The following KIAA0586 variants were observed in gnomAD, a reference collection of about 807,000 sequenced individuals.
KIAA0586 encodes the protein protein TALPID3.
KIAA0586 carries 144 observed loss-of-function variants against 169.8 expected under a neutral mutation model. The ratio of observed to expected loss-of-function variants is 0.85; its 90% CI spans 0.74 to 0.97. The LOEUF is 0.97. Ranked by LOEUF, KIAA0586 falls within the 50% of genes least tolerant of loss-of-function variation. The pLI is 0.00. For synonymous variants in KIAA0586, 625 were observed against 612.4 expected, an observed-to-expected ratio of 1.02 and a Z score of -0.30; for missense variants, 1,854 against 1,823.0, an observed-to-expected ratio of 1.02 and a Z score of -0.31.
chr14:58,461,771 T>G (rs961374711), intron 14 of KIAA0586, among the ~76,000 whole-genome samples: 1 of 152,234 alleles, frequency 6.6e-6, no homozygotes, highest in African/African-American at 2.4e-5. Flanking sequence ...AAAGTGTTGA[T>G]GAGCACTTTT....
chr14:58,540,196 G>A lies in KIAA0586; in HGVS notation c.4495+60G>A, dbSNP rs141835907. On this transcript the variant is annotated intron_variant, in intron 30 of 30. Transcript: ENST00000652326. ...AGCTGTTCAGATTTTTTCATTTCCT[G>A]ATGATTCTTTCTCTCATAATAATCA... 821 of 909,272 alleles carry A rather than the reference G, an allele frequency of 9.0e-4. 5 individuals carry two copies. The African/African-American group carries it at 0.012, about 14-fold the overall frequency. The allele number at this position is 909,272 out of a possible 1,614,324, so 56.3% of individuals were successfully genotyped here.
rs1312746065 is a variant in KIAA0586, at chr14:58,457,571, A to G, written c.1363-188A>G. Among the ~76,000 whole-genome samples, 4 of 152,196 alleles carry G rather than the reference A, an allele frequency of 2.6e-5. No homozygotes were observed. In the East Asian group the frequency reaches 7.7e-4, roughly 29 times the overall value. On this transcript the variant is annotated intron_variant, in intron 10 of 30. Transcript: ENST00000652326. ...GCGTGAGCCACCATGCCTGGCCCAC[A>G]TTAGTATTTCTAAATGGAGGAAAAA... is the stretch of plus-strand genomic sequence containing the variant.
chr14:58,485,669 G>C (rs2042391025), intron 21 of KIAA0586, among the ~76,000 whole-genome samples: 1 of 152,146 alleles, frequency 6.6e-6, no homozygotes, highest in Admixed American at 6.5e-5. Context: ...CTATCCTTTT[G>C]TACCTTTTGA....
intron 11 of KIAA0586, 113 bp from the exon 12 acceptor site, chr14:58,458,360 G>A: frequency 1.6e-6 from 1 of 635,882 alleles, no homozygotes; most frequent in South Asian, 2.1e-5. Flanking sequence ...TTCCTTTTCA[G>A]ATGAAAGATA....
At chr14:58,554,878 G>A (rs1196190605), downstream of KIAA0586, among the ~76,000 whole-genome samples, 1 of 152,138 alleles carries the variant, frequency 6.6e-6, no homozygotes, top group African/African-American at 2.4e-5. Context: ...CCCTGATTGG[G>A]ACAGCTTTTG....
chr14:58,484,118 G>A (rs1399406301), intron 21 of KIAA0586, among the ~76,000 whole-genome samples: 1 of 152,010 alleles, frequency 6.6e-6, no homozygotes, highest in Non-Finnish European at 1.5e-5. Context: ...TGGATTTTGG[G>A]GTTGGTAAAA....
Position 58,432,451 on chromosome 14 carries a change from AG to A in KIAA0586, c.405del (p.Lys135AsnfsTer13). 1 of 1,528,132 alleles carries A rather than the reference AG, an allele frequency of 6.5e-7. No individual in the cohort carries two copies. The highest frequency in any genetic ancestry group is 8.9e-7 in the Non-Finnish European group (1 of 1,121,402). The allele number at this position is 1,528,132 out of a possible 1,614,324, so 94.7% of individuals were successfully genotyped here. The part of the protein sequence containing the change: ...GQKDALRTVL[K>X]QKAQSMPVFK... ...AAAGATGCTCTAAGAACAGTTTTAA[AG>A]CAAAAGTAAGTTTCATTTACAGAAA... On this transcript the variant is annotated frameshift_variant, in exon 4 of 31. Transcript: ENST00000652326. LOFTEE classifies it high-confidence loss of function.
intron 27 of KIAA0586, among the ~76,000 whole-genome samples, chr14:58,503,839 G>T (rs959293152): frequency 6.6e-6 from 1 of 151,584 alleles, no homozygotes; most frequent in African/African-American, 2.4e-5. Context: ...AGGGTTAATC[G>T]TGGAAATGCA....
At chr14:58,450,546 C>T in intron 7 of KIAA0586, 33 bp from the exon 8 acceptor site, 1 of 1,330,008 alleles carries the variant, frequency 7.5e-7, no homozygotes, top group Non-Finnish European at 1.1e-6. Context: ...TTTTTAAAAG[C>T]AAGTTAAGTT....
intron 29 of KIAA0586, among the ~76,000 whole-genome samples, chr14:58,513,997 C>A (rs2044576607): frequency 6.6e-6 from 1 of 151,972 alleles, no homozygotes; most frequent in South Asian, 2.1e-4. Context: ...AATTTTACAT[C>A]TAATACAAAA....
At chr14:58,456,972 T>C (rs1484165099) in intron 10 of KIAA0586, among the ~76,000 whole-genome samples, 162 bp downstream of exon 10, 2 of 152,232 alleles carry the variant, frequency 1.3e-5, no homozygotes. Context: ...TCCAGAGGCC[T>C]TCACCAAGTG....
intron 29 of KIAA0586, chr14:58,520,994 C>A: frequency 3.5e-6 from 1 of 282,738 alleles, no homozygotes; most frequent in East Asian, 7.9e-5. Flanking sequence ...ATGGATAAAA[C>A]AAAGCATCTG....
chr14:58,498,198 A>C (rs1344410970), intron 26 of KIAA0586, among the ~76,000 whole-genome samples: 2 of 148,498 alleles, frequency 1.3e-5, no homozygotes, highest in African/African-American at 5.0e-5. Flanking sequence ...TTTTTTTGAC[A>C]CAGGGTCTCA....
intron 26 of KIAA0586, among the ~76,000 whole-genome samples, chr14:58,493,374 G>A (rs1040082871): frequency 1.3e-5 from 2 of 152,142 alleles, no homozygotes; most frequent in African/African-American, 2.4e-5. Flanking sequence ...TATTTAAGGT[G>A]CTTAAGGAAA....
At chr14:58,530,712 A>T (rs1318999251) in intron 29 of KIAA0586, among the ~76,000 whole-genome samples, 1 of 152,226 alleles carries the variant, frequency 6.6e-6, no homozygotes, top group Non-Finnish European at 1.5e-5. Context: ...TAAAGACTTA[A>T]ACATAAGACC....
chr14:58,549,774 C>A lies in KIAA0586; in HGVS notation c.*1842C>A, dbSNP rs537980242. The A allele has an allele frequency of 2.0e-5, 3 of 152,194 alleles. No homozygotes were observed. Among genetic ancestry groups the A allele is most frequent in the Admixed American group, 6.5e-5 (1 of 15,280 alleles). 9.4% of individuals were successfully genotyped at this position (152,194 alleles called of 1,614,324 possible). A position where few individuals can be genotyped will look rare whatever the true frequency, so the allele number is the denominator to read the frequency against. Reference sequence around the variant, plus strand: ...CATTTTAAACATGACACCCCACCCCCCAACCTTGGTTTCTGGTTTTCATAG... The same window carrying A: ...CATTTTAAACATGACACCCCACCCCACAACCTTGGTTTCTGGTTTTCATAG... On this transcript the variant is annotated 3_prime_UTR_variant, in exon 31 of 31. Coordinates refer to ENST00000652326, the MANE Select transcript of KIAA0586 (RefSeq NM_001329943.3).
chr14:58,527,429 GA>G (rs1181851526), intron 29 of KIAA0586, among the ~76,000 whole-genome samples: 3 of 152,114 alleles, frequency 2.0e-5, no homozygotes, highest in African/African-American at 4.8e-5. Flanking sequence ...TGAAATGAAG[GA>G]AAAAATGTTA....
the KIAA0586 span, among the ~76,000 whole-genome samples, chr14:58,557,899 A>ATTTTTTTTTTTTTTTTTT: frequency 8.6e-5 from 4 of 46,602 alleles, no homozygotes; most frequent in Non-Finnish European, 1.3e-4. Context: ...ATCCTGAGAA[A>ATTTTTTTTTTTTTTTTTT]TCTTTTTTTT....
chr14:58,506,467 A>C (rs536367872), intron 27 of KIAA0586, among the ~76,000 whole-genome samples: 1 of 151,752 alleles, frequency 6.6e-6, no homozygotes, highest in South Asian at 2.1e-4. Flanking sequence ...TCACTTGAGC[A>C]CTTGAGGTCA....
Sources: allele counts gnomAD v4.1 joint callset (sites outside exome capture counted in the v4.1 genomes callset), GRCh38; gene constraint gnomAD v4.1.1; transcripts MANE v1.5; gene names NCBI Gene and HGNC (gene_info 2026-07-23, HGNC 2026-07-21).